Variants in IGF2R observed in about 807,000 individuals in gnomAD.
The protein encoded by IGF2R is insulin like growth factor 2 receptor, also known as cation-independent mannose-6-phosphate receptor.
Under a neutral mutation model 270.6 loss-of-function variants are expected in IGF2R, and 91 were observed. The observed-to-expected ratio is 0.34, with a 90% CI of 0.28 to 0.40. IGF2R has a LOEUF of 0.40. IGF2R is among the 10% of genes least tolerant of loss of function. The pLI is 1.00. For missense variants in IGF2R, 2,805 were observed against 3,188.3 expected, an observed-to-expected ratio of 0.88 and a Z score of 2.90; for synonymous variants, 1,316 against 1,258.9, an observed-to-expected ratio of 1.05 and a Z score of -0.96.
intron 4 of IGF2R, among the ~76,000 whole-genome samples, chr6:160,017,881 T>G (rs1777342554): frequency 6.6e-6 from 1 of 152,156 alleles, no homozygotes; most frequent in Non-Finnish European, 1.5e-5. Flanking sequence ...GAAACAAAAG[T>G]TTGATACTTG....
Position 159,969,306 on chromosome 6 carries a change from G to T in IGF2R, c.60G>T (p.Gln20His), listed in dbSNP as rs1183507601. The T allele has an allele frequency of 7.9e-7, 1 of 1,264,500 alleles. No individual in the cohort carries two copies. 78.3% of individuals were successfully genotyped at this position (1,264,500 alleles called of 1,614,324 possible). Residue 20 changes from glutamine (Q) to histidine (H), a missense_variant, in exon 1 of 48, where the codon CAG becomes CAT. Gln to His is a conservative substitution (Grantham distance 24). Around this residue, in one of 2 missense-constraint regions of IGF2R, gnomAD observed 954 missense variants for 981.1 expected, o/e 0.97. Coordinates refer to ENST00000356956, the MANE Select transcript of IGF2R (RefSeq NM_000876.4). Reference sequence around the variant, plus strand: ...GGCCCGCGCCCGCCCGCCGCCCGCAGCGCTCTCTGCTCCTGCTGCAGCTGC... The same window carrying T: ...GGCCCGCGCCCGCCCGCCGCCCGCATCGCTCTCTGCTCCTGCTGCAGCTGC... ...HLGPAPARRP[Q>H]RSLLLLQLLL... is the part of the protein sequence containing the mutation.
intron 1 of IGF2R, among the ~76,000 whole-genome samples, chr6:159,975,702 A>G (rs1783681861): frequency 6.9e-6 from 1 of 145,472 alleles, no homozygotes; most frequent in Non-Finnish European, 1.5e-5. Flanking sequence ...ATATATATAT[A>G]AAGTATATGT....
chr6:160,015,328 G>A lies in IGF2R; in HGVS notation c.513+4543G>A, dbSNP rs541665660. The stretch of plus-strand genomic sequence containing the variant: ...CTTTGGAAGAGGTAATTAAAATGAT[G>A]CCAGTGTATTATTTTGGAAATAAAA... On this transcript the variant is annotated intron_variant, in intron 4 of 47. Transcript: ENST00000356956. 3.9e-5 allele frequency among the ~76,000 whole-genome samples: 6 copies of A among 152,320 alleles called. No homozygotes were observed. The South Asian group carries it at 1.2e-3, about 32-fold the overall frequency.
chr6:160,024,509 A>G, intron 4 of IGF2R, 63 bp from the exon 5 acceptor site: 1 of 1,529,608 alleles, frequency 6.5e-7, no homozygotes, highest in Non-Finnish European at 9.0e-7. Context: ...GACATTGGTC[A>G]TAAGCTTTTC....
At chr6:159,973,628 G>C (rs1335021423) in intron 1 of IGF2R, among the ~76,000 whole-genome samples, 1 of 152,102 alleles carries the variant, frequency 6.6e-6, no homozygotes, top group Non-Finnish European at 1.5e-5. Flanking sequence ...CCATTTGTGT[G>C]TGTGCATTTC....
chr6:159,973,919 A>G (rs114267455), intron 1 of IGF2R, among the ~76,000 whole-genome samples: 28 of 152,328 alleles, frequency 1.8e-4, no homozygotes, highest in African/African-American at 6.5e-4. Context: ...GGCAGAGAGT[A>G]GCTTATCACT....
intron 1 of IGF2R, among the ~76,000 whole-genome samples, chr6:159,984,729 T>C (rs1413829093): frequency 5.3e-5 from 8 of 152,198 alleles, no homozygotes; most frequent in Admixed American, 5.2e-4. Flanking sequence ...ATGACACATT[T>C]CTGATGACGT....
intron 1 of IGF2R, among the ~76,000 whole-genome samples, chr6:159,971,202 G>T (rs1783603734): frequency 6.6e-6 from 1 of 152,218 alleles, no homozygotes; most frequent in Non-Finnish European, 1.5e-5. Context: ...GGCTTCAAGG[G>T]CAGACTGATA....
intron 11 of IGF2R, 113 bp from the exon 12 acceptor site, chr6:160,043,035 C>A (rs768633199): frequency 8.8e-7 from 1 of 1,131,112 alleles, no homozygotes; most frequent in African/African-American, 1.6e-5. Context: ...GATTGAGTGA[C>A]GAAGTGGTTT....
In IGF2R at chr6:160,005,912, C is replaced by T. The variant is rs540886531; in HGVS notation, c.290-3098C>T. 4.4e-3 allele frequency: 688 copies of T among 157,728 alleles called. 5 individuals carry two copies. The highest frequency in any genetic ancestry group is 0.014 in the African/African-American group (592 of 41,202). The allele number at this position is 157,728 out of a possible 1,614,324, so 9.8% of individuals were successfully genotyped here. ...GCCTCCCCGGTCCTCAGCGCCTCCT[C>T]GGCCGCCGTGCCTCCCCGCACCTTT... On this transcript the variant is annotated intron_variant, in intron 2 of 47. Coordinates refer to ENST00000356956, the MANE Select transcript of IGF2R (RefSeq NM_000876.4).
At position 160,089,101 on chromosome 6, in the gene IGF2R, T is replaced by C. The variant is rs374375624; in HGVS notation, c.6321-6T>C. On this transcript the variant is annotated splice_region_variant and splice_polypyrimidine_tract_variant and intron_variant, in intron 42 of 47. Transcript: ENST00000356956. ...GTGACTGTAGCCTGTGCTTCCCTCCTCCTAGGTTTGATATCGACAGCTGCA... is the reference window on the plus strand; with the variant it reads ...GTGACTGTAGCCTGTGCTTCCCTCCCCCTAGGTTTGATATCGACAGCTGCA... 8 of 1,611,582 alleles carry C rather than the reference T, an allele frequency of 5.0e-6. No individual in the cohort carries two copies. The highest frequency in any genetic ancestry group is 2.2e-5 in the East Asian group (1 of 44,806).
intron 37 of IGF2R, among the ~76,000 whole-genome samples, chr6:160,079,226 T>C (rs1288186737): frequency 6.6e-6 from 1 of 152,178 alleles, no homozygotes; most frequent in Non-Finnish European, 1.5e-5. Flanking sequence ...TTCACTCACT[T>C]GGCCCGCACA....
chr6:160,070,088 T>C (rs1461388570), intron 31 of IGF2R, 30 bp downstream of exon 31: 4 of 1,606,734 alleles, frequency 2.5e-6, no homozygotes, highest in Non-Finnish European at 3.4e-6. Context: ...CCTTCTGCTG[T>C]TGCAGCTTTG....
chr6:160,023,700 T>C (rs1228570042), intron 4 of IGF2R, among the ~76,000 whole-genome samples: 1 of 152,230 alleles, frequency 6.6e-6, no homozygotes, highest in Non-Finnish European at 1.5e-5. Flanking sequence ...TCTGTGCTTA[T>C]AAACGTAGCT....
chr6:160,070,525 G>A (rs142360273), intron 31 of IGF2R, among the ~76,000 whole-genome samples: 39 of 152,270 alleles, frequency 2.6e-4, no homozygotes, highest in African/African-American at 7.9e-4. Flanking sequence ...GCAGGGTTTC[G>A]AGAGAAGAGG....
rs191825364 is a variant in IGF2R at position 160,085,495 on chromosome 6, A to G, written c.6205+364A>G. Among the ~76,000 whole-genome samples the G allele has an allele frequency of 7.0e-4, 107 of 152,348 alleles. No homozygotes were observed. The Middle Eastern group carries it at 0.014, about 19-fold the overall frequency. ...ACGTGTTTGTTTAGGAAAGCCAAACAGTTGCATGAGGACTTGGTACAGGTA... is the reference window on the plus strand; with the variant it reads ...ACGTGTTTGTTTAGGAAAGCCAAACGGTTGCATGAGGACTTGGTACAGGTA... On this transcript the variant is annotated intron_variant, in intron 41 of 47. Transcript: ENST00000356956.
chr6:160,042,788 C>G (rs574276735), intron 11 of IGF2R, among the ~76,000 whole-genome samples: 1 of 152,312 alleles, frequency 6.6e-6, no homozygotes, highest in Non-Finnish European at 1.5e-5. Flanking sequence ...CAATGATGTA[C>G]CACTCTACTG....
Position 160,102,139 on chromosome 6 carries a change from C to G in IGF2R, c.6843-380C>G, listed in dbSNP as rs2297366. Among the ~76,000 whole-genome samples, 8,432 of 152,276 alleles carry G rather than the reference C, an allele frequency of 0.055. 784 individuals are homozygous for G. The highest frequency in any genetic ancestry group is 0.42 in the East Asian group (2,157 of 5,152). ...GAAGAAATTCTGAGAGGAAAGAGCTCTGACCCTGGAGAGAAGTGTGGTGCT... is the reference window on the plus strand; with the variant it reads ...GAAGAAATTCTGAGAGGAAAGAGCTGTGACCCTGGAGAGAAGTGTGGTGCT... On this transcript the variant is annotated intron_variant, in intron 45 of 47. Coordinates refer to ENST00000356956, the MANE Select transcript of IGF2R (RefSeq NM_000876.4). The surrounding 1 kb of genome is among the most constrained non-coding windows in gnomAD (Gnocchi z 4.5).
At chr6:160,007,999 G>A (rs1784271993) in intron 2 of IGF2R, among the ~76,000 whole-genome samples, 1 of 152,094 alleles carries the variant, frequency 6.6e-6, no homozygotes, top group Non-Finnish European at 1.5e-5. Context: ...GCTTCCCTAG[G>A]CCACATTGGA....
Sources: allele counts gnomAD v4.1 joint callset (sites outside exome capture counted in the v4.1 genomes callset), GRCh38; gene constraint gnomAD v4.1.1; regional missense constraint gnomAD v4.1.1; non-coding constraint Gnocchi (gnomAD v3.1); transcripts MANE v1.5; gene names NCBI Gene and HGNC (gene_info 2026-07-23, HGNC 2026-07-21).